Variants in ASB14 observed in about 807,000 individuals in gnomAD.
ASB14 encodes ankyrin repeat and SOCS box protein 14.
A neutral mutation model predicts 55.6 loss-of-function variants in ASB14; 63 were observed. The observed-to-expected ratio is 1.13, with a 90% CI of 0.92 to 1.40. The LOEUF (loss-of-function observed/expected upper bound fraction) is 1.40. ASB14 is among the 40% of genes most tolerant of loss of function. The pLI, the probability that ASB14 is intolerant of heterozygous loss-of-function variation, is 0.00. For synonymous variants in ASB14, 256 were observed against 259.9 expected, an observed-to-expected ratio of 0.98 and a Z score of 0.15; for missense variants, 724 against 710.4, an observed-to-expected ratio of 1.02 and a Z score of -0.22.
At chr3:57,269,644 G>C (rs748354648) in intron 10 of ASB14, 26 bp from the exon 11 acceptor site, 2 of 1,614,020 alleles carry the variant, frequency 1.2e-6, no homozygotes, top group South Asian at 2.2e-5. Flanking sequence ...TCAGAAGAGA[G>C]TGATTTGGGA....
intron 10 of ASB14, among the ~76,000 whole-genome samples, chr3:57,275,569 C>T (rs749865758): frequency 1.3e-5 from 2 of 152,094 alleles, no homozygotes; most frequent in African/African-American, 2.4e-5. Flanking sequence ...TGCCTTGTCC[C>T]ACCTGGGACC....
chr3:57,269,592 G>A lies in ASB14; in HGVS notation c.*49C>T, dbSNP rs1354442068. On this transcript the variant is annotated 3_prime_UTR_variant, in exon 11 of 11. Coordinates refer to ENST00000487349, the MANE Select transcript of ASB14 (RefSeq NM_001142733.3). ...AGCTGCTTCCAGTAGACCAAACCAAGCCAGTAGTGAGGGGCAGTTTGTTGT... is the reference window on the plus strand; with the variant it reads ...AGCTGCTTCCAGTAGACCAAACCAAACCAGTAGTGAGGGGCAGTTTGTTGT... The A allele has an allele frequency of 6.2e-7, 1 of 1,613,994 alleles. No individual in the cohort carries two copies. Among genetic ancestry groups the A allele is most frequent in the African/African-American group, 1.3e-5 (1 of 74,924 alleles).
At chr3:57,270,737 G>A (rs903559292) in intron 10 of ASB14, 1 of 152,270 alleles carries the variant, frequency 6.6e-6, no homozygotes, top group African/African-American at 2.4e-5. Context: ...TATCCACAAA[G>A]GCAAATAACT....
chr3:57,275,320 T>C (rs999491904), intron 10 of ASB14, among the ~76,000 whole-genome samples: 1 of 151,802 alleles, frequency 6.6e-6, no homozygotes, highest in African/African-American at 2.4e-5. Context: ...GGCATGGTGG[T>C]GTACACCTGT....
rs1217826748 is a variant in ASB14, at chr3:57,283,388, G to C, written c.521C>G (p.Ala174Gly). 3 of 1,551,540 alleles carry C rather than the reference G, an allele frequency of 1.9e-6. No individual in the cohort carries two copies. Among genetic ancestry groups the C allele is most frequent in the Non-Finnish European group, 2.6e-6 (3 of 1,146,806 alleles). Reference sequence around the variant, plus strand: ...GTTGGCACAACGCAGATTGACATCTGCTCCATAGTTGATCAGCAAGGCAGC... The same window carrying C: ...GTTGGCACAACGCAGATTGACATCTCCTCCATAGTTGATCAGCAAGGCAGC... ...DMAALLINYGADVNLRCANER... is the reference protein window; with the variant it reads ...DMAALLINYGGDVNLRCANER... Residue 174 changes from alanine (A) to glycine (G), a missense_variant, in exon 6 of 11, where the codon GCA (alanine) becomes GGA (glycine). Transcript: ENST00000487349.
intron 10 of ASB14, chr3:57,271,166 T>C (rs1009060340): frequency 1.3e-5 from 2 of 152,518 alleles, no homozygotes; most frequent in Non-Finnish European, 2.9e-5. Context: ...TTTTTCTTCT[T>C]AGTTCTGCAT....
Position 57,277,807 on chromosome 3 carries a change from G to T in ASB14, c.1545C>A (p.Leu515=). 1 of 1,612,788 alleles carries T rather than the reference G, an allele frequency of 6.2e-7. No homozygotes were observed. Among genetic ancestry groups the T allele is most frequent in the African/African-American group, 1.3e-5 (1 of 74,960 alleles). The change falls in exon 9 of 11, where the codon CTC becomes CTA. Residue 515 remains leucine (L), a synonymous_variant. Transcript: ENST00000487349. ...TTTCTGACCAGATCCCCTGTTTTTG[G>T]AGCACAGCTTTCAACTTTGAACAGA... ...VRICSKLKAV[L]QKQGIWSEIH...
Position 57,283,360 on chromosome 3 carries a change from C to CT in ASB14, c.548dup (p.Arg184GlufsTer27), listed in dbSNP as rs2061053847. On this transcript the variant is annotated frameshift_variant, in exon 6 of 11. Coordinates refer to ENST00000487349, the MANE Select transcript of ASB14 (RefSeq NM_001142733.3). LOFTEE classifies it high-confidence loss of function. Reference sequence around the variant, plus strand: ...TGGCTGCTTCGTGGAGAGCTGTCCTCTCGTTGGCACAACGCAGATTGACAT... The same window carrying CT: ...TGGCTGCTTCGTGGAGAGCTGTCCTCTTCGTTGGCACAACGCAGATTGACAT... The CT allele has an allele frequency of 3.9e-6, 6 of 1,551,708 alleles. No individual in the cohort carries two copies. The East Asian group carries it at 1.5e-4, about 38-fold the overall frequency.
intron 10 of ASB14, among the ~76,000 whole-genome samples, chr3:57,276,209 GT>G (rs71916317): frequency 0.11 from 16,161 of 143,118 alleles, 1,830 homozygotes; most frequent in African/African-American, 0.3. Context: ...TACTATTTGG[GT>G]TTTTTTTTTT....
chr3:57,282,366 C>T (rs906960904), intron 6 of ASB14, among the ~76,000 whole-genome samples: 2 of 152,032 alleles, frequency 1.3e-5, no homozygotes, highest in African/African-American at 4.8e-5. Context: ...TTTTAAAAAT[C>T]TTGGTAAAAA....
chr3:57,282,253 T>C (rs2061046254), intron 6 of ASB14, among the ~76,000 whole-genome samples: 1 of 152,112 alleles, frequency 6.6e-6, no homozygotes, highest in African/African-American at 2.4e-5. Context: ...TAAATATGAG[T>C]CTCTGCCATC....
chr3:57,287,773 C>CCCAT lies in ASB14; in HGVS notation c.469+124_469+127dup, dbSNP rs146947488. 2,310 of 1,061,874 alleles carry CCCAT rather than the reference C, an allele frequency of 2.2e-3. 30 individuals carry two copies. In the African/African-American group the frequency reaches 0.034, roughly 16 times the overall value. 65.8% of individuals were successfully genotyped at this position (1,061,874 alleles called of 1,614,324 possible). ...ATGGAAAGCTTCTGGAGGGTCGGTA[C>CCCAT]CCATGTCTGGTCAGTTGGGAACAGA... On this transcript the variant is annotated intron_variant, in intron 5 of 10. Coordinates refer to ENST00000487349, the MANE Select transcript of ASB14 (RefSeq NM_001142733.3).
At position 57,276,712 on chromosome 3, in the gene ASB14, T is replaced by C. The variant is rs1209926088; in HGVS notation, c.1602A>G (p.Leu534=). 16 of 1,613,000 alleles carry C rather than the reference T, an allele frequency of 9.9e-6. No individual in the cohort carries two copies. The highest frequency in any genetic ancestry group is 1.4e-5 in the Non-Finnish European group (16 of 1,179,710). The change falls in exon 10 of 11, where the codon CTA becomes CTG. Residue 534 remains leucine (L), a synonymous_variant. Coordinates refer to ENST00000487349, the MANE Select transcript of ASB14 (RefSeq NM_001142733.3). ...GGATCTTTAGGCGGCACAAATGTTT[T>C]AGGGAGCGAGGGTTTGCTAAAAAGA... ...IHFILTNPRS[L]KHLCRLKIRK...
intron 8 of ASB14, 27 bp from the exon 9 acceptor site, chr3:57,277,947 A>G (rs2061003587): frequency 3.8e-6 from 6 of 1,592,152 alleles, no homozygotes; most frequent in South Asian, 1.1e-5. Context: ...CAGAATTAGG[A>G]AAGTAAATGA....
At chr3:57,280,204 G>T in intron 7 of ASB14, 98 bp downstream of exon 7, 1 of 677,524 alleles carries the variant, frequency 1.5e-6, no homozygotes, top group Non-Finnish European at 2.2e-6. Flanking sequence ...TAGATTGTGG[G>T]ATCAGTGATT....
chr3:57,288,708 C>CTTTTTTTT lies in ASB14; in HGVS notation c.178+352_178+359dup, dbSNP rs747854434. ...GCCAGCCATCACCATCATATCTTTC[C>CTTTTTTTT]TTTTTTTTTTTTTTTTTTTTTTGTG... On this transcript the variant is annotated intron_variant, in intron 3 of 10. Transcript: ENST00000487349. Among the ~76,000 whole-genome samples the CTTTTTTTT allele has an allele frequency of 4.0e-3, 413 of 102,380 alleles. 3 individuals carry two copies. The highest frequency in any genetic ancestry group is 0.013 in the East Asian group (33 of 2,524). 67.2% of individuals were successfully genotyped at this position (102,380 alleles called of 152,430 possible). A position where few individuals can be genotyped will look rare whatever the true frequency, so the allele number is the denominator to read the frequency against.
rs573181500 is a variant in ASB14 at position 57,277,965 on chromosome 3, A to G, written c.1432-45T>C. 9.1e-6 allele frequency: 14 copies of G among 1,545,540 alleles called. No individual in the cohort carries two copies. In the African/African-American group the frequency reaches 1.1e-4, roughly 12 times the overall value. ...AATTAGGAAAGTAAATGAAAAACAC[A>G]AAGTATCTATGGTTTAGCATAGTAG... is the stretch of plus-strand genomic sequence containing the variant. On this transcript the variant is annotated intron_variant, in intron 8 of 10. Transcript: ENST00000487349.
intron 2 of ASB14, among the ~76,000 whole-genome samples, chr3:57,289,549 T>TA (rs1033833874): frequency 1.5e-4 from 23 of 152,262 alleles, no homozygotes; most frequent in African/African-American, 5.5e-4. Context: ...GTGTCAGTAT[T>TA]AAAAAATATT....
In ASB14 at chr3:57,289,088, ATCT is replaced by A. The variant is rs746825944; in HGVS notation, c.155_157del (p.Lys52del). ...CTTAACTTTCTCTATTGTTTCAACT[ATCT>A]TCTTATAGTCAGCGCTCAAAAAGGA... On this transcript the variant is annotated inframe_deletion, in exon 3 of 11. Transcript: ENST00000487349. 5.9e-6 allele frequency: 9 copies of A among 1,529,376 alleles called. No homozygotes were observed. The highest frequency in any genetic ancestry group is 3.6e-5 in the South Asian group (3 of 83,894). 94.7% of individuals were successfully genotyped at this position (1,529,376 alleles called of 1,614,324 possible). A position where few individuals can be genotyped will look rare whatever the true frequency, so the allele number is the denominator to read the frequency against.
Sources: gnomAD v4.1 joint callset for allele counts (sites outside exome capture counted in the v4.1 genomes callset) on GRCh38, gnomAD v4.1.1 for gene constraint, MANE v1.5 for transcripts, NCBI Gene and HGNC (gene_info 2026-07-23, HGNC 2026-07-21) for gene names.